Variants in F13A1 observed in about 807,000 individuals in gnomAD.
F13A1 encodes the protein coagulation factor XIII A chain, also known as FSF, A subunit.
F13A1 carries 47 observed loss-of-function variants against 80.1 expected under a neutral mutation model. The ratio of observed to expected loss-of-function variants is 0.59; its 90% CI spans 0.46 to 0.75. The LOEUF is 0.75. F13A1 is among the 30% of genes least tolerant of loss of function. The pLI is 0.00. For synonymous variants in F13A1, 349 were observed against 344.9 expected, an observed-to-expected ratio of 1.01 and a Z score of -0.13; for missense variants, 817 against 930.4, an observed-to-expected ratio of 0.88 and a Z score of 1.59.
At chr6:6,270,834 T>C (rs1340027469) in intron 3 of F13A1, among the ~76,000 whole-genome samples, 2 of 152,136 alleles carry the variant, frequency 1.3e-5, no homozygotes, top group African/African-American at 4.8e-5. Context: ...CTGCCGTGGA[T>C]AAGAGTTGTG....
chr6:6,200,640 T>A (rs1358642358), intron 8 of F13A1, among the ~76,000 whole-genome samples: 2 of 151,810 alleles, frequency 1.3e-5, no homozygotes, highest in Non-Finnish European at 2.9e-5. Flanking sequence ...GGAAGTCTGT[T>A]TCGGTTATTT....
chr6:6,178,522 C>T (rs1338164923), intron 11 of F13A1, among the ~76,000 whole-genome samples: 1 of 151,706 alleles, frequency 6.6e-6, no homozygotes, highest in Non-Finnish European at 1.5e-5. Flanking sequence ...TGAGAGGTGT[C>T]ATTTGGGAAG....
At chr6:6,255,119 T>A (rs1458721520) in intron 4 of F13A1, among the ~76,000 whole-genome samples, 1 of 152,194 alleles carries the variant, frequency 6.6e-6, no homozygotes, top group East Asian at 1.9e-4. Flanking sequence ...GTTCCCTTAG[T>A]GCCCTATGGA....
chr6:6,175,992 A>G (rs1760877279), intron 11 of F13A1, among the ~76,000 whole-genome samples: 1 of 152,242 alleles, frequency 6.6e-6, no homozygotes, highest in Non-Finnish European at 1.5e-5. Context: ...AGAGCCTTGG[A>G]CAAAAGGCTT....
chr6:6,156,046 A>G (rs1365958866), intron 13 of F13A1, among the ~76,000 whole-genome samples: 1 of 152,232 alleles, frequency 6.6e-6, no homozygotes, highest in Non-Finnish European at 1.5e-5. Context: ...AAGAGTATTC[A>G]TTACTTGGGC....
Position 6,250,016 on chromosome 6 carries a change from G to A in F13A1, c.690+795C>T, listed in dbSNP as rs1385234666. Among the ~76,000 whole-genome samples, 1 of 152,130 alleles carries A rather than the reference G, an allele frequency of 6.6e-6. No homozygotes were observed. The highest frequency in any genetic ancestry group is 1.5e-5 in the Non-Finnish European group (1 of 68,020). On this transcript the variant is annotated intron_variant, in intron 5 of 14. Coordinates refer to ENST00000264870, the MANE Select transcript of F13A1 (RefSeq NM_000129.4). The surrounding 1 kb of genome is among the most constrained non-coding windows in gnomAD (Gnocchi z 4.2). ...ATATGGAAGTCAAAGCAAGGCATCCGGAGCCAAGAAAGTACCCTGTGACCA... is the reference window on the plus strand; with the variant it reads ...ATATGGAAGTCAAAGCAAGGCATCCAGAGCCAAGAAAGTACCCTGTGACCA...
At chr6:6,218,601 C>T (rs1757139769) in intron 8 of F13A1, among the ~76,000 whole-genome samples, 1 of 152,146 alleles carries the variant, frequency 6.6e-6, no homozygotes, top group African/African-American at 2.4e-5. Flanking sequence ...CCTGAGTCCC[C>T]AGCCCTCTCC....
At chr6:6,194,734 T>C (rs3823191) in intron 10 of F13A1, among the ~76,000 whole-genome samples, 66,324 of 152,034 alleles carry the variant, frequency 0.44, 15,168 homozygotes, top group South Asian at 0.54. Context: ...CTTAAAGACT[T>C]GAACCTTAGA....
chr6:6,164,645 C>G (rs973125203), intron 13 of F13A1, among the ~76,000 whole-genome samples: 22 of 150,664 alleles, frequency 1.5e-4, no homozygotes, highest in African/African-American at 5.4e-4. Context: ...CCCCGTTTTT[C>G]TCTTCTCCCC....
At chr6:6,269,165 G>C (rs1258447083) in intron 3 of F13A1, among the ~76,000 whole-genome samples, 5 of 152,164 alleles carry the variant, frequency 3.3e-5, no homozygotes, top group African/African-American at 4.8e-5. Context: ...AATTCAGCTG[G>C]CTCTAACACT....
At chr6:6,190,023 T>G (rs1211392535) in intron 10 of F13A1, among the ~76,000 whole-genome samples, 1 of 152,240 alleles carries the variant, frequency 6.6e-6, no homozygotes, top group African/African-American at 2.4e-5. Flanking sequence ...CATCGGCTCC[T>G]GAGGCTTCTG....
chr6:6,233,411 T>C (rs1023348084), intron 6 of F13A1, among the ~76,000 whole-genome samples: 4 of 151,950 alleles, frequency 2.6e-5, no homozygotes, highest in African/African-American at 9.7e-5. Flanking sequence ...GAATTAGATA[T>C]CCTGAACAGA....
At chr6:6,155,403 G>T (rs934870281) in intron 13 of F13A1, among the ~76,000 whole-genome samples, 3 of 152,160 alleles carry the variant, frequency 2.0e-5, no homozygotes, top group African/African-American at 7.2e-5. Flanking sequence ...TGGCATGGGT[G>T]TATCAATTCT....
intron 12 of F13A1, among the ~76,000 whole-genome samples, chr6:6,173,132 T>A (rs769581173): frequency 1.1e-4 from 16 of 152,222 alleles, no homozygotes; most frequent in Non-Finnish European, 2.2e-4. Flanking sequence ...TTTCTTCCAA[T>A]GGACTTGTGT....
chr6:6,273,975 T>C (rs1757954598), intron 3 of F13A1, among the ~76,000 whole-genome samples: 1 of 152,210 alleles, frequency 6.6e-6, no homozygotes, highest in Non-Finnish European at 1.5e-5. Context: ...ACACAAGTAT[T>C]CAAAAGCAAA....
chr6:6,310,512 ATTG>A (rs1233203528), intron 2 of F13A1, among the ~76,000 whole-genome samples: 81 of 152,184 alleles, frequency 5.3e-4, no homozygotes, highest in African/African-American at 1.9e-3. Context: ...GTTTATTATT[ATTG>A]TTGTTGTTAT....
rs1351482805 is a variant in F13A1, at chr6:6,224,358, G to GT, written c.973+327dup. Among the ~76,000 whole-genome samples the GT allele has an allele frequency of 6.0e-5, 9 of 149,164 alleles. No individual in the cohort carries two copies. In the East Asian group the frequency reaches 1.5e-3, roughly 26 times the overall value. The stretch of plus-strand genomic sequence containing the variant: ...TATTATTTTAGTTTTAACTGTTTTA[G>GT]TTTTTTTAAAATGTGGTGGCTGAAA... On this transcript the variant is annotated intron_variant, in intron 7 of 14. Transcript: ENST00000264870.
intron 13 of F13A1, among the ~76,000 whole-genome samples, chr6:6,163,109 T>C (rs1301113029): frequency 1.3e-5 from 2 of 152,184 alleles, no homozygotes; most frequent in Admixed American, 6.5e-5. Context: ...AGGGCTGTGG[T>C]CTCCTCTCTG....
At chr6:6,183,800 T>G (rs992518021) in intron 10 of F13A1, among the ~76,000 whole-genome samples, 6 of 152,202 alleles carry the variant, frequency 3.9e-5, no homozygotes, top group African/African-American at 1.4e-4. Context: ...TGTGTCCTTG[T>G]AGAAAGTGCA....
Sources: gnomAD v4.1 joint callset for allele counts (sites outside exome capture counted in the v4.1 genomes callset) on GRCh38, gnomAD v4.1.1 for gene constraint, Gnocchi (gnomAD v3.1) non-coding constraint, MANE v1.5 for transcripts, NCBI Gene and HGNC (gene_info 2026-07-23, HGNC 2026-07-21) for gene names.